ZBTB20: variants seen among roughly 807,000 people sequenced by gnomAD.
The protein encoded by ZBTB20 is zinc finger and BTB domain-containing protein 20.
ZBTB20 carries 9 observed loss-of-function variants against 56.9 expected under a neutral mutation model. That is an observed-to-expected ratio of 0.16 (90% CI 0.10 to 0.28). The LOEUF (loss-of-function observed/expected upper bound fraction) is 0.28. Ranked by LOEUF, ZBTB20 falls within the 10% of genes least tolerant of loss-of-function variation. The probability of loss-of-function intolerance (pLI) is 1.00; values close to 1 mark genes in which losing one functional copy is unlikely to be tolerated. For missense variants in ZBTB20, 655 were observed against 1,003.0 expected (o/e 0.65, Z 4.69); for synonymous variants, 417 against 420.7 (o/e 0.99, Z 0.11).
intron 4 of ZBTB20, among the ~76,000 whole-genome samples, chr3:114,831,089 T>TC (rs906964439): frequency 4.7e-4 from 3 of 6,436 alleles, no homozygotes; most frequent in African/African-American, 7.7e-4. Context: ...TCTTTCTTCT[T>TC]TTTTTTTTTT....
chr3:115,037,317 C>T (rs961762124), intron 2 of ZBTB20, among the ~76,000 whole-genome samples: 1 of 152,082 alleles, frequency 6.6e-6, no homozygotes, highest in Non-Finnish European at 1.5e-5. Context: ...CAGAGTCTCA[C>T]TCCGTCACCC....
intron 2 of ZBTB20, among the ~76,000 whole-genome samples, chr3:115,012,786 G>A (rs1198976668): frequency 6.6e-6 from 1 of 151,694 alleles, no homozygotes; most frequent in African/African-American, 2.4e-5. Flanking sequence ...TCAGCACATA[G>A]TTCATACTCA....
chr3:114,675,218 A>C (rs2061563601), intron 6 of ZBTB20, among the ~76,000 whole-genome samples: 1 of 151,864 alleles, frequency 6.6e-6, no homozygotes, highest in African/African-American at 2.4e-5. Context: ...TAGTCATCAA[A>C]GTGGAAAAAC....
Position 114,382,638 on chromosome 3 carries a change from C to T in ZBTB20, c.-153-1698G>A, listed in dbSNP as rs72950616. Among the ~76,000 whole-genome samples, 1,115 of 152,258 alleles carry T rather than the reference C, an allele frequency of 7.3e-3. 9 individuals are homozygous for T. The highest frequency in any genetic ancestry group is 0.026 in the African/African-American group (1,064 of 41,536). ...AGGACTTCACTCCCCACAGTGAATTCCTCCCTAGGTCTTTCTCCGAAATGC... is the reference window on the plus strand; with the variant it reads ...AGGACTTCACTCCCCACAGTGAATTTCTCCCTAGGTCTTTCTCCGAAATGC... On this transcript the variant is annotated intron_variant, in intron 8 of 11. Coordinates refer to ENST00000675478, the MANE Select transcript of ZBTB20 (RefSeq NM_001348800.3).
intron 5 of ZBTB20, among the ~76,000 whole-genome samples, chr3:114,756,424 T>C (rs1560213512): frequency 6.6e-6 from 1 of 152,162 alleles, no homozygotes; most frequent in African/African-American, 2.4e-5. Context: ...TCAGTTCTGT[T>C]TTAAAATTTT....
At chr3:114,889,214 C>T (rs1169069407) in intron 4 of ZBTB20, among the ~76,000 whole-genome samples, 2 of 151,798 alleles carry the variant, frequency 1.3e-5, no homozygotes, top group Non-Finnish European at 2.9e-5. Context: ...ACTCTCAAAA[C>T]CATAAGGATG....
At chr3:114,423,217 T>C (rs977994053) in intron 7 of ZBTB20, among the ~76,000 whole-genome samples, 1 of 152,192 alleles carries the variant, frequency 6.6e-6, no homozygotes, top group African/African-American at 2.4e-5. Context: ...TTTTGTACAA[T>C]GGTACCTAGT....
At chr3:114,651,616 A>G (rs1461502173) in intron 6 of ZBTB20, among the ~76,000 whole-genome samples, 4 of 151,686 alleles carry the variant, frequency 2.6e-5, no homozygotes, top group African/African-American at 9.7e-5. Context: ...TTTTAAACCT[A>G]GAGTTTGATA....
At chr3:114,577,940 T>G (rs1279888503) in intron 6 of ZBTB20, among the ~76,000 whole-genome samples, 1 of 152,146 alleles carries the variant, frequency 6.6e-6, no homozygotes, top group Non-Finnish European at 1.5e-5. Context: ...AACAAAATTC[T>G]AAAGCATAAC....
At chr3:114,690,439 C>T (rs2062632344) in intron 6 of ZBTB20, among the ~76,000 whole-genome samples, 1 of 152,106 alleles carries the variant, frequency 6.6e-6, no homozygotes, top group Admixed American at 6.6e-5. Context: ...CACTGACCTA[C>T]AATTCAAAGA....
At chr3:114,482,751 T>C (rs1037778846) in intron 7 of ZBTB20, among the ~76,000 whole-genome samples, 9 of 152,176 alleles carry the variant, frequency 5.9e-5, no homozygotes, top group African/African-American at 2.2e-4. Flanking sequence ...AGTTTATTGT[T>C]TGGAAAGTTA....
rs1239746208 is a variant in ZBTB20 at position 114,605,830 on chromosome 3, GA to G, written c.-295+87697del. ...AAAGGGATTCTAGGTATAGGTAACA[GA>G]AAAAAAAAAGTACAGAGCAAGACAG... On this transcript the variant is annotated intron_variant, in intron 6 of 11. Coordinates refer to ENST00000675478, the MANE Select transcript of ZBTB20 (RefSeq NM_001348800.3). 3.4e-4 allele frequency among the ~76,000 whole-genome samples: 50 copies of G among 147,968 alleles called. 1 individual carries two copies. The highest frequency in any genetic ancestry group is 2.8e-3 in the Admixed American group (42 of 14,862).
At chr3:114,468,636 T>C (rs1051186831) in intron 7 of ZBTB20, among the ~76,000 whole-genome samples, 7 of 152,206 alleles carry the variant, frequency 4.6e-5, no homozygotes, top group Admixed American at 2.0e-4. Context: ...TCACCTATTT[T>C]TGGACATTTT....
chr3:114,604,367 CA>C (rs904077183), intron 6 of ZBTB20, among the ~76,000 whole-genome samples: 1 of 149,634 alleles, frequency 6.7e-6, no homozygotes, highest in East Asian at 2.0e-4. Context: ...GAAAGTTACA[CA>C]AAAAAAATAA....
chr3:115,116,306 T>G (rs990243691), intron 1 of ZBTB20, among the ~76,000 whole-genome samples: 3 of 152,096 alleles, frequency 2.0e-5, no homozygotes, highest in African/African-American at 7.2e-5. Flanking sequence ...TTTAACTTCT[T>G]AGATTTTTTA....
intron 6 of ZBTB20, among the ~76,000 whole-genome samples, chr3:114,567,205 T>A (rs2052877161): frequency 6.6e-6 from 1 of 152,160 alleles, no homozygotes; most frequent in African/African-American, 2.4e-5. Flanking sequence ...CAGGGTCCTA[T>A]GTGTATCTTT....
chr3:114,404,511 C>G (rs2087118162), intron 7 of ZBTB20, among the ~76,000 whole-genome samples: 2 of 152,066 alleles, frequency 1.3e-5, no homozygotes, highest in South Asian at 4.2e-4. Flanking sequence ...TAAAAATACC[C>G]TGGTATCTTA....
chr3:115,040,006 GAT>G (rs1428760462), intron 2 of ZBTB20, among the ~76,000 whole-genome samples: 1 of 152,022 alleles, frequency 6.6e-6, no homozygotes, highest in Non-Finnish European at 1.5e-5. Context: ...TGAGATGATA[GAT>G]ATGTTAAGTA....
chr3:114,475,595 G>C (rs1178639913), intron 7 of ZBTB20, among the ~76,000 whole-genome samples: 1 of 152,140 alleles, frequency 6.6e-6, no homozygotes, highest in Non-Finnish European at 1.5e-5. Flanking sequence ...GAGGATCTTA[G>C]AGACTTGCAC....
Sources: gnomAD v4.1 joint callset for allele counts (sites outside exome capture counted in the v4.1 genomes callset) on GRCh38, gnomAD v4.1.1 for gene constraint, MANE v1.5 for transcripts, NCBI Gene and HGNC (gene_info 2026-07-23, HGNC 2026-07-21) for gene names.